ZFYVE9: variants seen among roughly 807,000 people sequenced by gnomAD.
ZFYVE9 encodes zinc finger FYVE domain-containing protein 9.
Under a neutral mutation model 126.7 loss-of-function variants are expected in ZFYVE9, and 43 were observed. The ratio of observed to expected loss-of-function variants is 0.34; its 90% CI spans 0.27 to 0.44. The LOEUF (loss-of-function observed/expected upper bound fraction) is 0.44, where lower values mean the gene tolerates loss of function less well. Ranked by LOEUF, ZFYVE9 falls within the 20% of genes least tolerant of loss-of-function variation. The pLI, the probability that ZFYVE9 is intolerant of heterozygous loss-of-function variation, is 1.00. For synonymous variants in ZFYVE9, 521 were observed against 597.4 expected, an observed-to-expected ratio of 0.87 and a Z score of 1.87; for missense variants, 1,476 against 1,697.0, an observed-to-expected ratio of 0.87 and a Z score of 2.29.
At chr1:52,316,708 TAAAAC>T (rs1278839428) in intron 13 of ZFYVE9, among the ~76,000 whole-genome samples, 1 of 152,128 alleles carries the variant, frequency 6.6e-6, no homozygotes. Flanking sequence ...AGAGAACTGG[TAAAAC>T]AAAAGGTTAA....
intron 1 of ZFYVE9, among the ~76,000 whole-genome samples, chr1:52,208,293 C>T (rs1027149856): frequency 1.3e-5 from 2 of 152,140 alleles, no homozygotes; most frequent in Non-Finnish European, 2.9e-5. Flanking sequence ...AAATATCAAG[C>T]CAGGTATGTT....
chr1:52,224,374 T>C (rs1019832764), intron 2 of ZFYVE9, among the ~76,000 whole-genome samples: 2 of 152,026 alleles, frequency 1.3e-5, no homozygotes, highest in African/African-American at 4.8e-5. Flanking sequence ...GGGAAGGTGG[T>C]CTAGAGGATC....
At chr1:52,202,072 C>T (rs1644928146) in intron 1 of ZFYVE9, among the ~76,000 whole-genome samples, 1 of 152,182 alleles carries the variant, frequency 6.6e-6, no homozygotes, top group Non-Finnish European at 1.5e-5. Context: ...GCGTGAGCCA[C>T]CGCACACAGC....
At chr1:52,200,085 T>C (rs1169098795) in intron 1 of ZFYVE9, among the ~76,000 whole-genome samples, 1 of 152,036 alleles carries the variant, frequency 6.6e-6, no homozygotes, top group Non-Finnish European at 1.5e-5. Context: ...AATAGACCTT[T>C]ATCAGATAAA....
At chr1:52,185,176 C>T (rs1235742314) in intron 1 of ZFYVE9, among the ~76,000 whole-genome samples, 2 of 152,130 alleles carry the variant, frequency 1.3e-5, no homozygotes, top group African/African-American at 4.8e-5. Context: ...CAATTTAATA[C>T]CTACTAGTTC....
At chr1:52,311,374 C>T (rs968025395) in intron 13 of ZFYVE9, among the ~76,000 whole-genome samples, 1 of 151,636 alleles carries the variant, frequency 6.6e-6, no homozygotes, top group Non-Finnish European at 1.5e-5. Flanking sequence ...AAGCGATTCT[C>T]CTGCTTCAGC....
At chr1:52,143,640 G>T (rs1254552295) in intron 1 of ZFYVE9, among the ~76,000 whole-genome samples, 1 of 152,092 alleles carries the variant, frequency 6.6e-6, no homozygotes, top group Admixed American at 6.5e-5. Flanking sequence ...TATTATTTCT[G>T]TATATTAGGT....
At chr1:52,204,892 G>A (rs971435388) in intron 1 of ZFYVE9, among the ~76,000 whole-genome samples, 2 of 152,138 alleles carry the variant, frequency 1.3e-5, no homozygotes, top group Admixed American at 6.5e-5. Context: ...TTTTTAACTC[G>A]CAGAGTTGTC....
chr1:52,264,438 G>A (rs1645613626), intron 5 of ZFYVE9, among the ~76,000 whole-genome samples: 1 of 152,140 alleles, frequency 6.6e-6, no homozygotes, highest in African/African-American at 2.4e-5. Flanking sequence ...TAGTTGTTAC[G>A]TGGTAAAAAG....
chr1:52,264,802 C>G (rs1378703874), intron 5 of ZFYVE9, among the ~76,000 whole-genome samples: 1 of 152,196 alleles, frequency 6.6e-6, no homozygotes, highest in Non-Finnish European at 1.5e-5. Flanking sequence ...GACAGTTAAT[C>G]TGATCTGTTC....
chr1:52,278,800 C>T (rs1185687819), intron 9 of ZFYVE9, among the ~76,000 whole-genome samples, 186 bp downstream of exon 9: 2 of 150,484 alleles, frequency 1.3e-5, no homozygotes, highest in African/African-American at 2.4e-5. Context: ...CATCTCGGCT[C>T]ACTGCAAGCT....
At chr1:52,269,851 A>T (rs1422873380) in intron 7 of ZFYVE9, among the ~76,000 whole-genome samples, 1 of 151,752 alleles carries the variant, frequency 6.6e-6, no homozygotes, top group African/African-American at 2.4e-5. Context: ...ATAGTGCCGC[A>T]GACATGGCTC....
intron 1 of ZFYVE9, among the ~76,000 whole-genome samples, chr1:52,206,224 C>A (rs1377003391): frequency 6.6e-6 from 1 of 152,110 alleles, no homozygotes; most frequent in East Asian, 1.9e-4. Flanking sequence ...AGATCAGGAG[C>A]TCACACCAGG....
At chr1:52,148,420 G>A (rs201091617) in intron 1 of ZFYVE9, among the ~76,000 whole-genome samples, 58 of 151,686 alleles carry the variant, frequency 3.8e-4, no homozygotes, top group Non-Finnish European at 4.7e-4. Flanking sequence ...CCAGGGAGGC[G>A]GAGGTTGCAG....
At chr1:52,306,640 T>C (rs1233912444) in intron 13 of ZFYVE9, among the ~76,000 whole-genome samples, 1 of 152,222 alleles carries the variant, frequency 6.6e-6, no homozygotes, top group African/African-American at 2.4e-5. Flanking sequence ...GCTGCAGCCC[T>C]TTGGGGAACC....
chr1:52,162,966 T>G (rs1370882725), intron 1 of ZFYVE9: 2 of 455,120 alleles, frequency 4.4e-6, no homozygotes, highest in Non-Finnish European at 8.3e-6. Context: ...CTGTTGGAGA[T>G]TTTGACTGAG....
intron 10 of ZFYVE9, among the ~76,000 whole-genome samples, chr1:52,291,390 T>C (rs543420693): frequency 2.6e-5 from 4 of 152,196 alleles, no homozygotes; most frequent in Non-Finnish European, 4.4e-5. Flanking sequence ...CTTCATTGGG[T>C]GTTATTGCTT....
At chr1:52,278,207 A>G (rs951738660) in intron 8 of ZFYVE9, among the ~76,000 whole-genome samples, 3 of 150,092 alleles carry the variant, frequency 2.0e-5, no homozygotes, top group Non-Finnish European at 4.5e-5. Flanking sequence ...ATTTTTATTA[A>G]ATAGAAAGGT....
chr1:52,344,635 A>G, intron 17 of ZFYVE9, 133 bp from the exon 18 acceptor site: 1 of 870,550 alleles, frequency 1.1e-6, no homozygotes, highest in South Asian at 2.1e-5. Context: ...TGGACCAGGG[A>G]CTTTATGGTG....
Sources: allele counts gnomAD v4.1 joint callset (sites outside exome capture counted in the v4.1 genomes callset), GRCh38; gene constraint gnomAD v4.1.1; transcripts MANE v1.5; gene names NCBI Gene and HGNC (gene_info 2026-07-23, HGNC 2026-07-21).